Variants in SLC33A1 observed in about 807,000 individuals in gnomAD.
SLC33A1 encodes solute carrier family 33 member 1, also known as acetyl-coenzyme A transporter 1.
SLC33A1 carries 20 observed loss-of-function variants against 50.0 expected under a neutral mutation model. That is an observed-to-expected ratio of 0.40 (90% CI 0.28 to 0.58). The LOEUF is 0.58. Among genes scored for constraint, SLC33A1 ranks in the 20% least tolerant of loss-of-function variants. The pLI is 0.44. For missense variants in SLC33A1, 476 were observed against 657.0 expected, an observed-to-expected ratio of 0.72 and a Z score of 3.01; for synonymous variants, 265 against 251.8, an observed-to-expected ratio of 1.05 and a Z score of -0.50.
At chr3:155,831,351 G>C (rs1351266407) in intron 4 of SLC33A1, among the ~76,000 whole-genome samples, 1 of 150,416 alleles carries the variant, frequency 6.6e-6, no homozygotes, top group African/African-American at 2.4e-5. Flanking sequence ...AGCTACTTGG[G>C]AGGCAGAAGC....
At position 155,828,092 on chromosome 3, in the gene SLC33A1, ATAT is replaced by A. The variant is rs1560010425; in HGVS notation, c.*115_*117del. On this transcript the variant is annotated 3_prime_UTR_variant, in exon 6 of 6. Transcript: ENST00000643144. Reference sequence around the variant, plus strand: ...TATTTTTTCAACCATTTGGCATTTTATATTATTAATTTCGCTGTTTAAAATAAT... The same window carrying A: ...TATTTTTTCAACCATTTGGCATTTTATATTAATTTCGCTGTTTAAAATAAT... 5.4e-6 allele frequency: 4 copies of A among 742,420 alleles called. No individual in the cohort carries two copies. The highest frequency in any genetic ancestry group is 9.2e-6 in the Non-Finnish European group (4 of 436,096). The allele number at this position is 742,420 out of a possible 1,614,324, so 46.0% of individuals were successfully genotyped here.
chr3:155,847,475 TG>T (rs1246115347), intron 1 of SLC33A1, among the ~76,000 whole-genome samples: 1 of 152,096 alleles, frequency 6.6e-6, no homozygotes, highest in Non-Finnish European at 1.5e-5. Context: ...CTGGGCACGG[TG>T]GCTCATGCTT....
At position 155,842,600 on chromosome 3, in the gene SLC33A1, T is replaced by A; in HGVS notation, c.795A>T (p.Gly265=). 1 of 1,560,066 alleles carries A rather than the reference T, an allele frequency of 6.4e-7. No homozygotes were observed. Among genetic ancestry groups the A allele is most frequent in the Non-Finnish European group, 8.7e-7 (1 of 1,152,466 alleles). Residue 265 remains glycine (G), a synonymous_variant, in exon 2 of 6, where the codon GGA becomes GGT. Transcript: ENST00000643144. ...ATGTTGTTGTTATTAAAAATACAGTTCCCCAGAAAAAAAGGAAATCTGAAA... is the reference window on the plus strand; with the variant it reads ...ATGTTGTTGTTATTAAAAATACAGTACCCCAGAAAAAAAGGAAATCTGAAA... ...VTLSDFLFFW[G]TVFLITTTLV... is the part of the protein sequence containing the mutation.
chr3:155,835,985 T>G (rs1752641034), intron 2 of SLC33A1, among the ~76,000 whole-genome samples: 1 of 152,000 alleles, frequency 6.6e-6, no homozygotes, highest in Admixed American at 6.6e-5. Context: ...AATTTTTTTT[T>G]TTTTAAAGAA....
At chr3:155,834,857 G>A (rs962896869) in intron 2 of SLC33A1, among the ~76,000 whole-genome samples, 1 of 151,980 alleles carries the variant, frequency 6.6e-6, no homozygotes, top group Non-Finnish European at 1.5e-5. Flanking sequence ...AAACATGAGA[G>A]AAATGTAACT....
intron 1 of SLC33A1, among the ~76,000 whole-genome samples, chr3:155,844,457 ATTTTTTTTT>A (rs869180951): frequency 3.6e-4 from 12 of 33,578 alleles, no homozygotes; most frequent in African/African-American, 9.8e-4. Context: ...ATATATATAT[ATTTTTTTTT>A]TTTTTTTTTT....
intron 4 of SLC33A1, among the ~76,000 whole-genome samples, chr3:155,832,431 G>A (rs1752477439): frequency 6.6e-6 from 1 of 152,010 alleles, no homozygotes; most frequent in South Asian, 2.1e-4. Flanking sequence ...GCAAAGTGGG[G>A]ATTCCTTCTT....
rs1753543628 is a variant in SLC33A1, at chr3:155,854,392, G to C, written c.-395C>G. 1.6e-5 allele frequency: 3 copies of C among 182,298 alleles called. No homozygotes were observed. In the South Asian group the frequency reaches 4.9e-4, roughly 30 times the overall value. 11.3% of individuals were successfully genotyped at this position (182,298 alleles called of 1,614,324 possible). ...AGCTCTCGCTGCTATCAATGCGGCA[G>C]AGAGCACTTTCTCTACAGGACTCCA... On this transcript the variant is annotated 5_prime_UTR_variant, in exon 1 of 6. Coordinates refer to ENST00000643144, the MANE Select transcript of SLC33A1 (RefSeq NM_004733.4).
intron 1 of SLC33A1, among the ~76,000 whole-genome samples, chr3:155,851,550 C>T (rs887461328): frequency 6.6e-6 from 1 of 151,766 alleles, no homozygotes; most frequent in Non-Finnish European, 1.5e-5. Flanking sequence ...TGTGCCCAGT[C>T]GTGACTTATT....
chr3:155,847,999 G>A (rs1753248659), intron 1 of SLC33A1, among the ~76,000 whole-genome samples: 1 of 152,098 alleles, frequency 6.6e-6, no homozygotes. Flanking sequence ...CAAATACACT[G>A]CTCCCTATTC....
intron 1 of SLC33A1, 55 bp downstream of exon 1, chr3:155,853,168 A>C: frequency 6.8e-7 from 1 of 1,473,022 alleles, no homozygotes; most frequent in South Asian, 1.1e-5. Flanking sequence ...CCAACGTCAC[A>C]CACTCTTTCA....
intron 2 of SLC33A1, among the ~76,000 whole-genome samples, chr3:155,836,379 G>T (rs750291390): frequency 7.3e-6 from 1 of 136,256 alleles, no homozygotes; most frequent in Non-Finnish European, 1.6e-5. Context: ...TCTTGGAATA[G>T]AGCCAAAGAA....
In SLC33A1 at chr3:155,822,386, G is replaced by C. The variant is rs1752107061; in HGVS notation, c.*5824C>G. 1 of 151,870 alleles carries C rather than the reference G, an allele frequency of 6.6e-6. No individual in the cohort carries two copies. Among genetic ancestry groups the C allele is most frequent in the South Asian group, 2.1e-4 (1 of 4,782 alleles). The allele number at this position is 151,870 out of a possible 1,614,324, so 9.4% of individuals were successfully genotyped here. A position where few individuals can be genotyped will look rare whatever the true frequency, so the allele number is the denominator to read the frequency against. On this transcript the variant is annotated 3_prime_UTR_variant, in exon 6 of 6. Coordinates refer to ENST00000643144, the MANE Select transcript of SLC33A1 (RefSeq NM_004733.4). ...GCAGATCACGAGGTCAGGAGTTTGA[G>C]ACCAGCCTGACCAACATGGTGAAAC...
intron 4 of SLC33A1, among the ~76,000 whole-genome samples, chr3:155,832,343 A>G (rs1216595336): frequency 6.6e-6 from 1 of 151,604 alleles, no homozygotes; most frequent in Non-Finnish European, 1.5e-5. Flanking sequence ...GTGCCATTGC[A>G]CTCCAGCCTG....
intron 1 of SLC33A1, among the ~76,000 whole-genome samples, chr3:155,847,246 A>G (rs1041318550): frequency 8.5e-5 from 13 of 152,098 alleles, no homozygotes; most frequent in Non-Finnish European, 1.5e-4. Context: ...TTTTCTGAGA[A>G]TGTAGGGTAA....
rs989536201 is a variant in SLC33A1 at position 155,833,356 on chromosome 3, G to A, written c.1266+112C>T. The A allele has an allele frequency of 7.4e-5, 57 of 768,928 alleles. 1 individual carries two copies. Among genetic ancestry groups the A allele is most frequent in the African/African-American group, 4.8e-4 (28 of 58,132 alleles). 47.6% of individuals were successfully genotyped at this position (768,928 alleles called of 1,614,324 possible). A position where few individuals can be genotyped will look rare whatever the true frequency, so the allele number is the denominator to read the frequency against. On this transcript the variant is annotated intron_variant, in intron 4 of 5. Coordinates refer to ENST00000643144, the MANE Select transcript of SLC33A1 (RefSeq NM_004733.4). ...GCGCACCATCAATAATTTCTTCAGT[G>A]TCAGATTCATGCTTAAAATTTATTA... is the stretch of plus-strand genomic sequence containing the variant.
intron 2 of SLC33A1, among the ~76,000 whole-genome samples, chr3:155,839,835 C>G (rs1048673837): frequency 1.3e-5 from 2 of 151,874 alleles, no homozygotes; most frequent in African/African-American, 4.8e-5. Flanking sequence ...GTAATCCCAG[C>G]TACTCGGGAG....
chr3:155,846,398 G>T (rs951319716), intron 1 of SLC33A1, among the ~76,000 whole-genome samples: 2 of 151,100 alleles, frequency 1.3e-5, no homozygotes, highest in Non-Finnish European at 2.9e-5. Flanking sequence ...GAGAAAAAAG[G>T]TTCATATTTT....
intron 1 of SLC33A1, among the ~76,000 whole-genome samples, chr3:155,852,338 G>C (rs12488512): frequency 0.052 from 7,895 of 151,980 alleles, 474 homozygotes; most frequent in South Asian, 0.26. Context: ...AAAGAAAAAA[G>C]AGAAAAACTT....
Sources: allele counts gnomAD v4.1 joint callset (sites outside exome capture counted in the v4.1 genomes callset), GRCh38; gene constraint gnomAD v4.1.1; transcripts MANE v1.5; gene names NCBI Gene and HGNC (gene_info 2026-07-23, HGNC 2026-07-21).